The following TXK variants were observed in gnomAD, a reference collection of about 807,000 sequenced individuals.
TXK encodes the protein TXK tyrosine kinase.
Under a neutral mutation model 81.0 loss-of-function variants are expected in TXK, and 60 were observed. The ratio of observed to expected loss-of-function variants is 0.74; its 90% CI spans 0.60 to 0.92. TXK has a LOEUF of 0.92. Among genes scored for constraint, TXK ranks in the 40% least tolerant of loss-of-function variants. TXK has a pLI of 0.00. For missense variants in TXK, 581 were observed against 638.3 expected, an observed-to-expected ratio of 0.91 and a Z score of 0.97; for synonymous variants, 203 against 210.7, an observed-to-expected ratio of 0.96 and a Z score of 0.32.
chr4:48,094,238 T>C, intron 7 of TXK, 34 bp from the exon 8 acceptor site: 1 of 1,608,236 alleles, frequency 6.2e-7, no homozygotes, highest in Non-Finnish European at 8.5e-7. Context: ...ACTAGAAATG[T>C]GAAAGATCAA....
intron 1 of TXK, among the ~76,000 whole-genome samples, chr4:48,131,061 A>T (rs1719236272): frequency 6.6e-6 from 1 of 152,040 alleles, no homozygotes; most frequent in South Asian, 2.1e-4. Context: ...CCTTTAAATA[A>T]CTCTTCTAGG....
intron 3 of TXK, 69 bp downstream of exon 3, chr4:48,113,138 C>T (rs1226010900): frequency 5.3e-6 from 6 of 1,122,376 alleles, no homozygotes; most frequent in Non-Finnish European, 8.0e-6. Flanking sequence ...ACAAACAGCA[C>T]CTCATGAATG....
In TXK at chr4:48,111,340, G is replaced by C. The variant is rs192390392; in HGVS notation, c.381-737C>G. Reference sequence around the variant, plus strand: ...ATACCATATATTTTGATATGTGCATGTAAGTATACTGAAAATAATCTGAAA... The same window carrying C: ...ATACCATATATTTTGATATGTGCATCTAAGTATACTGAAAATAATCTGAAA... On this transcript the variant is annotated intron_variant, in intron 4 of 14. Coordinates refer to ENST00000264316, the MANE Select transcript of TXK (RefSeq NM_003328.3). Among the ~76,000 whole-genome samples, 5 of 152,336 alleles carry C rather than the reference G, an allele frequency of 3.3e-5. No individual in the cohort carries two copies. The East Asian group carries it at 7.7e-4, about 23-fold the overall frequency.
intron 1 of TXK, among the ~76,000 whole-genome samples, chr4:48,119,781 C>T (rs976754979): frequency 2.0e-5 from 3 of 152,188 alleles, no homozygotes; most frequent in Non-Finnish European, 2.9e-5. Context: ...AGAGAGGGCA[C>T]ATTAGCACTT....
In TXK at chr4:48,068,299, G is replaced by A. The variant is rs1457274076; in HGVS notation, c.1516-594C>T. Among the ~76,000 whole-genome samples, 3 of 152,130 alleles carry A rather than the reference G, an allele frequency of 2.0e-5. No homozygotes were observed. The East Asian group carries it at 5.8e-4, about 29-fold the overall frequency. ...TTGACATGTGTGAGGTAAAGAAAGG[G>A]CTGGGAGAAGGGGCATCTAGCATAC... On this transcript the variant is annotated intron_variant, in intron 14 of 14. Coordinates refer to ENST00000264316, the MANE Select transcript of TXK (RefSeq NM_003328.3).
chr4:48,133,867 A>T (rs963908790), intron 1 of TXK, among the ~76,000 whole-genome samples: 2 of 152,184 alleles, frequency 1.3e-5, no homozygotes, highest in African/African-American at 2.4e-5. Context: ...CTCATTCTAA[A>T]AACAAGTACT....
intron 1 of TXK, 140 bp downstream of exon 1, chr4:48,134,015 T>C: frequency 1.2e-6 from 1 of 858,846 alleles, no homozygotes; most frequent in Non-Finnish European, 1.8e-6. Flanking sequence ...GAAACAAAAC[T>C]CTGTCACAAC....
chr4:48,122,295 C>T (rs1452711626), intron 1 of TXK, among the ~76,000 whole-genome samples: 1 of 152,216 alleles, frequency 6.6e-6, no homozygotes, highest in Non-Finnish European at 1.5e-5. Flanking sequence ...TCACCTCACT[C>T]AGCCACACCG....
intron 13 of TXK, among the ~76,000 whole-genome samples, chr4:48,072,505 G>A (rs1470755567): frequency 1.3e-5 from 2 of 152,172 alleles, no homozygotes; most frequent in Non-Finnish European, 2.9e-5. Flanking sequence ...TCTAGCAGGG[G>A]CTCTGTACAT....
At chr4:48,086,418 G>T in intron 10 of TXK, 48 bp downstream of exon 10, 2 of 1,589,956 alleles carry the variant, frequency 1.3e-6, no homozygotes, top group South Asian at 2.2e-5. Context: ...TTGTTTCCAT[G>T]ACACCAGGGC....
intron 1 of TXK, among the ~76,000 whole-genome samples, chr4:48,121,889 T>C (rs1191774172): frequency 6.6e-6 from 1 of 152,178 alleles, no homozygotes; most frequent in African/African-American, 2.4e-5. Flanking sequence ...ATGTACTTAA[T>C]GTTGCTGAAC....
At chr4:48,113,656 C>T (rs11722304) in intron 2 of TXK, among the ~76,000 whole-genome samples, 10,288 of 152,222 alleles carry the variant, frequency 0.068, 468 homozygotes, top group South Asian at 0.14. Flanking sequence ...ATTTTATATG[C>T]ATTACCTCAT....
chr4:48,070,571 CTTATTTAT>C (rs1186241861), intron 14 of TXK, among the ~76,000 whole-genome samples: 1 of 151,948 alleles, frequency 6.6e-6, no homozygotes, highest in Non-Finnish European at 1.5e-5. Context: ...TATTTATTTG[CTTATTTAT>C]TTATTTATTT....
chr4:48,080,211 C>T (rs1717245315), intron 10 of TXK, 83 bp from the exon 11 acceptor site: 1 of 999,520 alleles, frequency 1.0e-6, no homozygotes, highest in Admixed American at 1.8e-5. Context: ...TATTTACCAT[C>T]TATTTATCAC....
rs745823091 is a variant in TXK at position 48,112,293 on chromosome 4, T to G, written c.380+14A>C. The G allele has an allele frequency of 1.6e-5, 26 of 1,611,602 alleles. No homozygotes were observed. The highest frequency in any genetic ancestry group is 2.0e-5 in the Non-Finnish European group (23 of 1,177,778). On this transcript the variant is annotated intron_variant, in intron 4 of 14. Coordinates refer to ENST00000264316, the MANE Select transcript of TXK (RefSeq NM_003328.3). ...GAAGAATTGGATACTGACTAAGTCA[T>G]GTAAGTGTCTTACCCCAAACGGTCT...
At chr4:48,072,646 C>T (rs182417566) in intron 13 of TXK, among the ~76,000 whole-genome samples, 4 of 152,330 alleles carry the variant, frequency 2.6e-5, no homozygotes, top group Admixed American at 2.6e-4. Flanking sequence ...GAGGCCTCTG[C>T]TGGGGCCTGG....
At chr4:48,071,468 C>G (rs758241865) in intron 14 of TXK, 49 bp downstream of exon 14, 1 of 1,567,194 alleles carries the variant, frequency 6.4e-7, no homozygotes, top group Admixed American at 1.8e-5. Flanking sequence ...CAGGTCTGCT[C>G]TCAGATGCTG....
Position 48,068,115 on chromosome 4 carries a change from A to G in TXK, c.1516-410T>C, listed in dbSNP as rs980240030. Reference sequence around the variant, plus strand: ...ATTTAAATTTAAATTCCTTAAGATTATATAAATGTTTAAATTCAGTTACTC... The same window carrying G: ...ATTTAAATTTAAATTCCTTAAGATTGTATAAATGTTTAAATTCAGTTACTC... On this transcript the variant is annotated intron_variant, in intron 14 of 14. Transcript: ENST00000264316. Among the ~76,000 whole-genome samples, 6 of 152,374 alleles carry G rather than the reference A, an allele frequency of 3.9e-5. No individual in the cohort carries two copies. The East Asian group carries it at 1.2e-3, about 29-fold the overall frequency.
At chr4:48,093,354 GA>G (rs1242820176) in intron 8 of TXK, among the ~76,000 whole-genome samples, 8 of 152,234 alleles carry the variant, frequency 5.3e-5, no homozygotes, top group Non-Finnish European at 1.0e-4. Context: ...CAGTCAAAAT[GA>G]CATGAAAAGT....
Sources: gnomAD v4.1 joint callset for allele counts (sites outside exome capture counted in the v4.1 genomes callset) on GRCh38, gnomAD v4.1.1 for gene constraint, MANE v1.5 for transcripts, NCBI Gene and HGNC (gene_info 2026-07-23, HGNC 2026-07-21) for gene names.